EPHB1: variants seen among roughly 807,000 people sequenced by gnomAD.
EPHB1 encodes the protein EPH receptor B1.
EPHB1 carries 30 observed loss-of-function variants against 94.4 expected under a neutral mutation model. The observed-to-expected ratio is 0.32, with a 90% CI of 0.24 to 0.43. EPHB1 has a LOEUF of 0.43. Among genes scored for constraint, EPHB1 ranks in the 20% least tolerant of loss-of-function variants. The probability of loss-of-function intolerance (pLI) is 1.00; values close to 1 mark genes in which losing one functional copy is unlikely to be tolerated. For synonymous variants in EPHB1, 522 were observed against 489.1 expected (o/e 1.07, Z -0.89); for missense variants, 1,055 against 1,308.3 (o/e 0.81, Z 2.99).
At chr3:135,111,615 T>G (rs1024128921) in intron 4 of EPHB1, among the ~76,000 whole-genome samples, 1 of 152,082 alleles carries the variant, frequency 6.6e-6, no homozygotes, top group African/African-American at 2.4e-5. Flanking sequence ...ATTTGAGTGG[T>G]TCAAGGGAGG....
intron 1 of EPHB1, among the ~76,000 whole-genome samples, chr3:134,812,912 A>T (rs1181819780): frequency 6.6e-6 from 1 of 152,102 alleles, no homozygotes; most frequent in African/African-American, 2.4e-5. Flanking sequence ...GGATGTTTAG[A>T]TATTTGTCCA....
intron 4 of EPHB1, among the ~76,000 whole-genome samples, chr3:135,132,429 A>T (rs1940453059): frequency 6.6e-6 from 1 of 152,184 alleles, no homozygotes; most frequent in Non-Finnish European, 1.5e-5. Flanking sequence ...CCTGAGAGCA[A>T]AAGGCCTTAA....
In EPHB1 at chr3:135,057,015, G is replaced by A. The variant is rs539010132; in HGVS notation, c.806-49433G>A. The stretch of plus-strand genomic sequence containing the variant: ...GTGGCAGTATGGAGAGTCCCCTCTG[G>A]GCCTGCTCAGTGAACACCCCCCTAA... On this transcript the variant is annotated intron_variant, in intron 3 of 15. Transcript: ENST00000398015. 2.0e-5 allele frequency among the ~76,000 whole-genome samples: 3 copies of A among 152,208 alleles called. No individual in the cohort carries two copies. The East Asian group carries it at 5.8e-4, about 29-fold the overall frequency.
At chr3:134,863,062 C>T (rs1170252441) in intron 1 of EPHB1, among the ~76,000 whole-genome samples, 1 of 152,232 alleles carries the variant, frequency 6.6e-6, no homozygotes. Flanking sequence ...CTCATGGCCT[C>T]ATGCCACCTG....
Position 135,116,493 on chromosome 3 carries a change from C to A in EPHB1, c.961+9890C>A, listed in dbSNP as rs545191114. 3.6e-4 allele frequency among the ~76,000 whole-genome samples: 55 copies of A among 152,274 alleles called. 1 individual carries two copies. Among genetic ancestry groups the A allele is most frequent in the Admixed American group, 2.5e-3 (39 of 15,300 alleles). On this transcript the variant is annotated intron_variant, in intron 4 of 15. Coordinates refer to ENST00000398015, the MANE Select transcript of EPHB1 (RefSeq NM_004441.5). ...ATCCTGATTTCATTTGGCCAGAGACCAAGCCCAAATTTCACAGTGGGATCT... is the reference window on the plus strand; with the variant it reads ...ATCCTGATTTCATTTGGCCAGAGACAAAGCCCAAATTTCACAGTGGGATCT...
At chr3:135,155,325 T>C (rs1033523109) in intron 6 of EPHB1, among the ~76,000 whole-genome samples, 2 of 151,950 alleles carry the variant, frequency 1.3e-5, no homozygotes, top group African/African-American at 2.4e-5. Flanking sequence ...CTGAAGAAAG[T>C]AAGATCGTTG....
rs76755315 is a variant in EPHB1, at chr3:134,987,985, A to C, written c.805+35933A>C. Among the ~76,000 whole-genome samples the C allele has an allele frequency of 1.8e-4, 28 of 152,202 alleles. No homozygotes were observed. The East Asian group carries it at 5.2e-3, about 28-fold the overall frequency. ...CCTAAGCAGACTATACAACAGCCCT[A>C]TGGGTATATACTTTTATCAGCTCCA... On this transcript the variant is annotated intron_variant, in intron 3 of 15. Transcript: ENST00000398015.
chr3:135,155,034 A>C (rs989543618), intron 6 of EPHB1, among the ~76,000 whole-genome samples: 1 of 152,214 alleles, frequency 6.6e-6, no homozygotes, highest in African/African-American at 2.4e-5. Flanking sequence ...ATTGTCAACT[A>C]TTTGACAGGC....
chr3:134,908,852 G>A (rs1448784397), intron 1 of EPHB1, among the ~76,000 whole-genome samples: 1 of 152,110 alleles, frequency 6.6e-6, no homozygotes, highest in African/African-American at 2.4e-5. Context: ...CATGGATTCT[G>A]CAGAGCCACA....
intron 3 of EPHB1, chr3:134,977,888 G>C (rs1934249271): frequency 2.3e-6 from 1 of 440,792 alleles, no homozygotes; most frequent in Non-Finnish European, 4.5e-6. Flanking sequence ...TGCCGTCCCA[G>C]CCCTGGTTCT....
intron 3 of EPHB1, among the ~76,000 whole-genome samples, chr3:134,988,178 G>A (rs1934669926): frequency 6.6e-6 from 1 of 152,216 alleles, no homozygotes; most frequent in South Asian, 2.1e-4. Flanking sequence ...GTCTGAGCCA[G>A]TAGCTCTGTC....
chr3:134,925,600 G>A (rs1038375254), intron 1 of EPHB1, among the ~76,000 whole-genome samples: 1 of 152,140 alleles, frequency 6.6e-6, no homozygotes, highest in Non-Finnish European at 1.5e-5. Flanking sequence ...CGTGAAGTCT[G>A]TATCCAACTT....
chr3:135,149,055 AG>A (rs1393186326), intron 5 of EPHB1, among the ~76,000 whole-genome samples: 2 of 152,202 alleles, frequency 1.3e-5, no homozygotes, highest in African/African-American at 2.4e-5. Flanking sequence ...TTGCTAAGAA[AG>A]GGTGCAGGGC....
chr3:135,241,260 T>G lies in EPHB1; in HGVS notation c.2459T>G (p.Phe820Cys), dbSNP rs777159164. ...ATCGTCATGTGGGAAGTCATGTCAT[T>G]TGGAGAGAGACCCTATTGGGATATG... ...YGIVMWEVMS[F>C]GERPYWDMSN... Residue 820 changes from phenylalanine (F) to cysteine (C), a missense_variant, in exon 13 of 16, where the codon TTT (phenylalanine) becomes TGT (cysteine). Transcript: ENST00000398015. The G allele has an allele frequency of 5.0e-6, 8 of 1,614,046 alleles. No individual in the cohort carries two copies. The African/African-American group carries it at 1.1e-4, about 22-fold the overall frequency.
chr3:135,022,823 C>G (rs190659735), intron 3 of EPHB1, among the ~76,000 whole-genome samples: 92 of 152,306 alleles, frequency 6.0e-4, no homozygotes, highest in African/African-American at 2.2e-3. Context: ...CTTCCTCATT[C>G]TCAAATTCTT....
chr3:134,952,544 C>T (rs1452069090), intron 3 of EPHB1, among the ~76,000 whole-genome samples: 1 of 152,184 alleles, frequency 6.6e-6, no homozygotes, highest in Admixed American at 6.5e-5. Flanking sequence ...CCAGCTCCCA[C>T]AGCACTCAAC....
rs201727824 is a variant in EPHB1, at chr3:134,835,009, CA to C, written c.58+39321del. Among the ~76,000 whole-genome samples, 920 of 152,290 alleles carry C rather than the reference CA, an allele frequency of 6.0e-3. 10 individuals carry two copies. The highest frequency in any genetic ancestry group is 0.033 in the South Asian group (157 of 4,824). ...AATGCTACTTCCTCAGTCAAGTGAA[CA>C]GGGGGTAATTTAGAGGCGCACTCTC... is the stretch of plus-strand genomic sequence containing the variant. On this transcript the variant is annotated intron_variant, in intron 1 of 15. Transcript: ENST00000398015.
chr3:135,004,469 G>C (rs898538711), intron 3 of EPHB1, among the ~76,000 whole-genome samples: 24 of 152,108 alleles, frequency 1.6e-4, no homozygotes, highest in Non-Finnish European at 2.6e-4. Flanking sequence ...GTATCTTTGT[G>C]GCGTTCTCTG....
chr3:135,184,410 C>A (rs1317674453), intron 10 of EPHB1, among the ~76,000 whole-genome samples: 3 of 151,982 alleles, frequency 2.0e-5, no homozygotes, highest in Non-Finnish European at 4.4e-5. Context: ...GTGATGCCAC[C>A]CAAGAAGACA....
Sources: gnomAD v4.1 joint callset for allele counts (sites outside exome capture counted in the v4.1 genomes callset) on GRCh38, gnomAD v4.1.1 for gene constraint, MANE v1.5 for transcripts, NCBI Gene and HGNC (gene_info 2026-07-23, HGNC 2026-07-21) for gene names.